C1orf174: variants seen among roughly 807,000 people sequenced by gnomAD.
C1orf174 encodes chromosome 1 open reading frame 174.
Under a neutral mutation model 18.4 loss-of-function variants are expected in C1orf174, and 13 were observed. That is an observed-to-expected ratio of 0.71 (90% CI 0.46 to 1.12). The LOEUF is 1.12. Among genes scored for constraint, C1orf174 ranks in the 50% most tolerant of loss-of-function variants. The pLI is 0.00. For synonymous variants in C1orf174, 100 were observed against 118.3 expected, an observed-to-expected ratio of 0.85 and a Z score of 1.01; for missense variants, 309 against 308.0, an observed-to-expected ratio of 1.00 and a Z score of -0.02.
intron 1 of C1orf174, among the ~76,000 whole-genome samples, chr1:3,898,840 GTAA>G (rs1638656109): frequency 6.6e-6 from 1 of 152,184 alleles, no homozygotes; most frequent in South Asian, 2.1e-4. Context: ...CAGACAGAAA[GTAA>G]TAATGATAAC....
chr1:3,890,749 G>C lies in C1orf174; in HGVS notation c.438C>G (p.Ala146=). 6.2e-7 allele frequency: 1 copy of C among 1,614,016 alleles called. No homozygotes were observed. The highest frequency in any genetic ancestry group is 8.5e-7 in the Non-Finnish European group (1 of 1,180,024). ...TGTTGGATTCTTCTGCTCCGGACCC[G>C]GCACTGTGTTTTGGCACGGACAGGC... ...RDGLSVPKHS[A]GSGAEESNSS... is the part of the protein sequence containing the mutation. Residue 146 remains alanine (A), a synonymous_variant, in exon 3 of 4, where the codon GCC becomes GCG. Coordinates refer to ENST00000361605, the MANE Select transcript of C1orf174 (RefSeq NM_207356.3).
At chr1:3,895,413 TCAGCATCTTGG>T (rs1638589193) in intron 1 of C1orf174, 1 of 152,272 alleles carries the variant, frequency 6.6e-6, no homozygotes, top group African/African-American at 2.4e-5. Flanking sequence ...AAGGCTTCTG[TCAGCATCTTGG>T]CAGCAGTGGT....
chr1:3,889,836 G>A lies in C1orf174; in HGVS notation c.*124C>T, dbSNP rs1226498281. On this transcript the variant is annotated 3_prime_UTR_variant, in exon 4 of 4. Coordinates refer to ENST00000361605, the MANE Select transcript of C1orf174 (RefSeq NM_207356.3). ...GTGCTTTGCACTATTGACTTAGATG[G>A]GTCAGTTCTGAAGTTTGATTAAGAC... 2.3e-6 allele frequency: 2 copies of A among 880,914 alleles called. No individual in the cohort carries two copies. The highest frequency in any genetic ancestry group is 3.3e-5 in the African/African-American group (2 of 60,394). The allele number at this position is 880,914 out of a possible 1,614,324, so 54.6% of individuals were successfully genotyped here.
intron 1 of C1orf174, among the ~76,000 whole-genome samples, chr1:3,899,935 T>G (rs1638677534): frequency 6.6e-6 from 1 of 150,552 alleles, no homozygotes; most frequent in East Asian, 2.0e-4. Flanking sequence ...ACCTGTGAGC[T>G]CCACTTCTTC....
chr1:3,891,707 C>A (rs929065813), intron 2 of C1orf174: 11 of 985,972 alleles, frequency 1.1e-5, no homozygotes, highest in Admixed American at 1.2e-4. Context: ...CTTTCCCCAC[C>A]CACTCTGCCT....
Position 3,900,225 on chromosome 1 carries a change from C to T in C1orf174, c.-39G>A, listed in dbSNP as rs1638687407. The T allele has an allele frequency of 1.3e-6, 2 of 1,555,002 alleles. No individual in the cohort carries two copies. Among genetic ancestry groups the T allele is most frequent in the Admixed American group, 1.9e-5 (1 of 52,530 alleles). The stretch of plus-strand genomic sequence containing the variant: ...GCAGCCAAGCACCGCGCGCCCCGGC[C>T]AACGCGTCCCGGCGGAGCGGCGACC... On this transcript the variant is annotated 5_prime_UTR_variant, in exon 1 of 4. Coordinates refer to ENST00000361605, the MANE Select transcript of C1orf174 (RefSeq NM_207356.3).
chr1:3,890,881 C>G lies in C1orf174; in HGVS notation c.306G>C (p.Leu102Phe), dbSNP rs1041353011. ...CENEFAEGSA[L>F]LPGSEAGVSV... ...AAACGCCAGCCTCGCTGCCTGGAAG[C>G]AAGGCACTGCCTTCAGCAAACTCAT... Residue 102 changes from leucine to phenylalanine, a missense_variant, in exon 3 of 4, where the codon TTG (leucine) becomes TTC (phenylalanine). By Grantham distance (22) the Leu-to-Phe change is conservative (BLOSUM62 0). Coordinates refer to ENST00000361605, the MANE Select transcript of C1orf174 (RefSeq NM_207356.3). 2 of 1,613,902 alleles carry G rather than the reference C, an allele frequency of 1.2e-6. No individual in the cohort carries two copies. The highest frequency in any genetic ancestry group is 1.6e-4 in the Middle Eastern group (1 of 6,062).
At chr1:3,898,516 A>AAACAACAACAACAACAAC (rs774183697) in intron 1 of C1orf174, among the ~76,000 whole-genome samples, 6 of 139,322 alleles carry the variant, frequency 4.3e-5, no homozygotes, top group East Asian at 2.0e-4. Context: ...CTCAAAGCAA[A>AAACAACAACAACAACAAC]AACAACAACA....
At position 3,889,849 on chromosome 1, in the gene C1orf174, G is replaced by A; in HGVS notation, c.*111C>T. 2.0e-6 allele frequency: 2 copies of A among 1,023,510 alleles called. No homozygotes were observed. The highest frequency in any genetic ancestry group is 3.0e-6 in the Non-Finnish European group (2 of 656,130). The allele number at this position is 1,023,510 out of a possible 1,614,324, so 63.4% of individuals were successfully genotyped here. A position where few individuals can be genotyped will look rare whatever the true frequency, so the allele number is the denominator to read the frequency against. ...TTGACTTAGATGGGTCAGTTCTGAA[G>A]TTTGATTAAGACATTCTCTTGGAGA... On this transcript the variant is annotated 3_prime_UTR_variant, in exon 4 of 4. Coordinates refer to ENST00000361605, the MANE Select transcript of C1orf174 (RefSeq NM_207356.3).
At chr1:3,899,967 C>T (rs1638678301) in intron 1 of C1orf174, among the ~76,000 whole-genome samples, 1 of 151,894 alleles carries the variant, frequency 6.6e-6, no homozygotes, top group Non-Finnish European at 1.5e-5. Context: ...CCCGGAGCCC[C>T]CTTTTCACAG....
In C1orf174 at chr1:3,892,869, G is replaced by A; in HGVS notation, c.129+14C>T. ...AGTCAGGATCTTGGCGTTCTCCACG[G>A]TAACAGGGCTCACCAGACATGCTGT... On this transcript the variant is annotated intron_variant, in intron 2 of 3. Coordinates refer to ENST00000361605, the MANE Select transcript of C1orf174 (RefSeq NM_207356.3). 1 of 1,613,374 alleles carries A rather than the reference G, an allele frequency of 6.2e-7. No individual in the cohort carries two copies.
chr1:3,891,403 C>A, intron 2 of C1orf174: 1 of 219,908 alleles, frequency 4.5e-6, no homozygotes, highest in Non-Finnish European at 8.6e-6. Flanking sequence ...ATCCAGCTTT[C>A]ATTCATTTCT....
At chr1:3,894,561 T>C (rs1256643519) in intron 1 of C1orf174, among the ~76,000 whole-genome samples, 2 of 144,556 alleles carry the variant, frequency 1.4e-5, no homozygotes, top group African/African-American at 2.6e-5. Context: ...GAGCCGAGAT[T>C]GCGCCACCGC....
chr1:3,892,701 A>C (rs1638532590), intron 2 of C1orf174, 182 bp downstream of exon 2: 1 of 1,445,186 alleles, frequency 6.9e-7, no homozygotes. Context: ...CCTGGCCTGC[A>C]GAGTGTGTCT....
chr1:3,893,735 A>AT (rs1638554167), intron 1 of C1orf174, among the ~76,000 whole-genome samples: 1 of 152,124 alleles, frequency 6.6e-6, no homozygotes, highest in Admixed American at 6.5e-5. Context: ...TCTTTAAAAA[A>AT]TTTTTTTAAA....
In C1orf174 at chr1:3,889,888, A is replaced by G; in HGVS notation, c.*72T>C. On this transcript the variant is annotated 3_prime_UTR_variant, in exon 4 of 4. Transcript: ENST00000361605. ...TTCTCTTGGAGATACATTTTATATAAATCTTGTAATGTGCTAAATTGTCAA... is the reference window on the plus strand; with the variant it reads ...TTCTCTTGGAGATACATTTTATATAGATCTTGTAATGTGCTAAATTGTCAA... 1 of 1,291,906 alleles carries G rather than the reference A, an allele frequency of 7.7e-7. No individual in the cohort carries two copies. Among genetic ancestry groups the G allele is most frequent in the Non-Finnish European group, 1.1e-6 (1 of 888,124 alleles). 80.0% of individuals were successfully genotyped at this position (1,291,906 alleles called of 1,614,324 possible). A position where few individuals can be genotyped will look rare whatever the true frequency, so the allele number is the denominator to read the frequency against.
At chr1:3,893,048 C>T (rs779661282) in intron 1 of C1orf174, 52 bp from the exon 2 acceptor site, 2 of 1,579,442 alleles carry the variant, frequency 1.3e-6, no homozygotes, top group Non-Finnish European at 8.6e-7. Context: ...GCAGCATGAA[C>T]ATGTAGACGA....
intron 2 of C1orf174, chr1:3,891,350 T>C: frequency 2.8e-6 from 1 of 351,270 alleles, no homozygotes; most frequent in Non-Finnish European, 5.2e-6. Context: ...CTCAGGTGAA[T>C]TCTGAAGCAT....
chr1:3,890,312 G>C (rs1339298189), intron 3 of C1orf174, among the ~76,000 whole-genome samples: 1 of 152,118 alleles, frequency 6.6e-6, no homozygotes, highest in East Asian at 1.9e-4. Flanking sequence ...GCAAGCGCGG[G>C]GTGGATGTTC....
Sources: gnomAD v4.1 joint callset for allele counts (sites outside exome capture counted in the v4.1 genomes callset) on GRCh38, gnomAD v4.1.1 for gene constraint, MANE v1.5 for transcripts, NCBI Gene and HGNC (gene_info 2026-07-23, HGNC 2026-07-21) for gene names.